Variants in NPSR1 observed in about 807,000 individuals in gnomAD.
NPSR1 encodes neuropeptide S receptor 1, also known as neuropeptide S receptor.
A neutral mutation model predicts 46.9 loss-of-function variants in NPSR1; 48 were observed. The observed-to-expected ratio is 1.02, with a 90% CI of 0.81 to 1.30. The LOEUF (loss-of-function observed/expected upper bound fraction) is 1.30. Ranked by LOEUF, NPSR1 falls within the 50% of genes most tolerant of loss-of-function variation. NPSR1 has a pLI of 0.00. For missense variants in NPSR1, 450 were observed against 449.5 expected, an observed-to-expected ratio of 1.00 and a Z score of -0.01; for synonymous variants, 176 against 168.1, an observed-to-expected ratio of 1.05 and a Z score of -0.36.
At chr7:34,666,088 T>C (rs1435308286) in intron 1 of NPSR1, among the ~76,000 whole-genome samples, 1 of 152,244 alleles carries the variant, frequency 6.6e-6, no homozygotes, top group South Asian at 2.1e-4. Context: ...TTAATCCTTA[T>C]TCACCAACCA....
chr7:34,750,128 A>AT (rs34129840), intron 2 of NPSR1: 14,200 of 240,524 alleles, frequency 0.059, 70 homozygotes, highest in South Asian at 0.077. Flanking sequence ...TCGTGTATGT[A>AT]TTTTTTTTTT....
At chr7:34,746,909 G>A (rs1409695824) in intron 2 of NPSR1, among the ~76,000 whole-genome samples, 2 of 151,990 alleles carry the variant, frequency 1.3e-5, no homozygotes, top group South Asian at 2.1e-4. Context: ...GGTGGATCAC[G>A]AGGTCAAGAG....
At chr7:34,663,744 G>T (rs1023362169) in intron 1 of NPSR1, among the ~76,000 whole-genome samples, 1 of 152,180 alleles carries the variant, frequency 6.6e-6, no homozygotes, top group Non-Finnish European at 1.5e-5. Context: ...ATGACACAGT[G>T]TTCTTCCGAA....
chr7:34,782,568 C>T (rs1295923818), intron 3 of NPSR1, among the ~76,000 whole-genome samples: 1 of 152,120 alleles, frequency 6.6e-6, no homozygotes, highest in African/African-American at 2.4e-5. Context: ...CCCAACAAAC[C>T]CTCCCTCATA....
At chr7:34,726,214 C>T (rs1398076055) in intron 2 of NPSR1, among the ~76,000 whole-genome samples, 1 of 152,150 alleles carries the variant, frequency 6.6e-6, no homozygotes, top group Admixed American at 6.5e-5. Flanking sequence ...TGAACAGACA[C>T]CTCACCAATA....
chr7:34,729,451 C>T, intron 2 of NPSR1, among the ~76,000 whole-genome samples: 1 of 151,956 alleles, frequency 6.6e-6, no homozygotes, highest in Non-Finnish European at 1.5e-5. Flanking sequence ...ATCTATGGCT[C>T]TTATTAACAG....
chr7:34,780,900 C>T (rs935700943), intron 3 of NPSR1, among the ~76,000 whole-genome samples: 2 of 152,140 alleles, frequency 1.3e-5, no homozygotes, highest in African/African-American at 4.8e-5. Context: ...AAAACAGTTA[C>T]AGGCAATTGA....
rs537704175 is a variant in NPSR1 at position 34,669,305 on chromosome 7, G to A, written c.147+10746G>A. Among the ~76,000 whole-genome samples, 32 of 152,312 alleles carry A rather than the reference G, an allele frequency of 2.1e-4. No individual in the cohort carries two copies. In the South Asian group the frequency reaches 5.6e-3, roughly 27 times the overall value. On this transcript the variant is annotated intron_variant, in intron 1 of 8. Transcript: ENST00000360581. Reference sequence around the variant, plus strand: ...AACTTGTTTATGGTGGCTCACGCCTGTAATCCCAGCACTTTGGGAGATCAA... The same window carrying A: ...AACTTGTTTATGGTGGCTCACGCCTATAATCCCAGCACTTTGGGAGATCAA...
At chr7:34,861,100 G>A (rs1214778304) in intron 8 of NPSR1, among the ~76,000 whole-genome samples, 1 of 151,690 alleles carries the variant, frequency 6.6e-6, no homozygotes, top group Non-Finnish European at 1.5e-5. Flanking sequence ...ACCTCAGCAG[G>A]TTCACCTGGT....
At chr7:34,759,065 CT>C (rs928327645) in intron 2 of NPSR1, among the ~76,000 whole-genome samples, 1 of 152,166 alleles carries the variant, frequency 6.6e-6, no homozygotes, top group African/African-American at 2.4e-5. Flanking sequence ...CTATGTTCCT[CT>C]TAGTATATAG....
intron 3 of NPSR1, among the ~76,000 whole-genome samples, 178 bp downstream of exon 3, chr7:34,778,743 T>C (rs1787095881): frequency 6.6e-6 from 1 of 152,114 alleles, no homozygotes; most frequent in Non-Finnish European, 1.5e-5. Flanking sequence ...AAAAATAGTA[T>C]CTATATAAAG....
intron 2 of NPSR1, chr7:34,758,201 G>A (rs1382376123): frequency 1.3e-5 from 2 of 152,524 alleles, no homozygotes; most frequent in African/African-American, 4.8e-5. Flanking sequence ...GTTAGCATGT[G>A]GTAGGCACTT....
At chr7:34,807,857 TG>T (rs1170223824) in intron 3 of NPSR1, among the ~76,000 whole-genome samples, 1 of 152,082 alleles carries the variant, frequency 6.6e-6, no homozygotes, top group African/African-American at 2.4e-5. Context: ...GATTATCAAT[TG>T]TGGTAGGCTT....
chr7:34,822,324 C>G (rs918771061), intron 4 of NPSR1, among the ~76,000 whole-genome samples: 1 of 152,130 alleles, frequency 6.6e-6, no homozygotes, highest in Admixed American at 6.5e-5. Flanking sequence ...TGGCAGGGCT[C>G]TCTGGGAGAG....
At chr7:34,744,874 A>G (rs1013813562) in intron 2 of NPSR1, among the ~76,000 whole-genome samples, 1 of 152,236 alleles carries the variant, frequency 6.6e-6, no homozygotes, top group Non-Finnish European at 1.5e-5. Context: ...TTGTGAATTG[A>G]AAATATTCAG....
intron 2 of NPSR1, among the ~76,000 whole-genome samples, chr7:34,715,952 G>T (rs570968817): frequency 2.6e-5 from 4 of 151,906 alleles, no homozygotes; most frequent in Admixed American, 1.3e-4. Context: ...GAAAGTCGAG[G>T]GAAGATAAAA....
intron 7 of NPSR1, among the ~76,000 whole-genome samples, chr7:34,846,298 G>A (rs1319079570): frequency 6.6e-6 from 1 of 152,064 alleles, no homozygotes; most frequent in Non-Finnish European, 1.5e-5. Context: ...CCTTCAGTCA[G>A]CAAGCAGGAA....
chr7:34,874,716 G>T (rs1299769121), intron 8 of NPSR1, among the ~76,000 whole-genome samples: 1 of 152,112 alleles, frequency 6.6e-6, no homozygotes, highest in Non-Finnish European at 1.5e-5. Flanking sequence ...AGTAGGGAGA[G>T]AATAATTTAA....
At chr7:34,758,317 T>C (rs1785983685) in intron 2 of NPSR1, 1 of 152,158 alleles carries the variant, frequency 6.6e-6, no homozygotes, top group South Asian at 2.1e-4. Flanking sequence ...TGGGAACAGA[T>C]GTAAGCCCAC....
Sources: allele counts gnomAD v4.1 joint callset (sites outside exome capture counted in the v4.1 genomes callset), GRCh38; gene constraint gnomAD v4.1.1; transcripts MANE v1.5; gene names NCBI Gene and HGNC (gene_info 2026-07-23, HGNC 2026-07-21).